The following CD200R1L variants were observed in gnomAD, a reference collection of about 807,000 sequenced individuals.
CD200R1L encodes cell surface glycoprotein CD200 receptor 2.
A neutral mutation model predicts 24.8 loss-of-function variants in CD200R1L; 14 were observed. That is an observed-to-expected ratio of 0.56 (90% confidence interval 0.37 to 0.88). The LOEUF (loss-of-function observed/expected upper bound fraction) is 0.88, where lower values mean the gene tolerates loss of function less well. Ranked by LOEUF, CD200R1L falls within the 40% of genes least tolerant of loss-of-function variation. The pLI is 0.00. For missense variants in CD200R1L, 299 were observed against 297.8 expected (o/e 1.00, Z -0.03); for synonymous variants, 111 against 109.2 (o/e 1.02, Z -0.11).
chr3:112,823,401 G>A (rs1938586362), intron 6 of CD200R1L, among the ~76,000 whole-genome samples: 1 of 152,224 alleles, frequency 6.6e-6, no homozygotes, highest in Non-Finnish European at 1.5e-5. Flanking sequence ...TCTGGGACTT[G>A]TGACTGGTGT....
At chr3:112,824,527 C>T in intron 6 of CD200R1L, among the ~76,000 whole-genome samples, 1 of 151,998 alleles carries the variant, frequency 6.6e-6, no homozygotes, top group East Asian at 1.9e-4. Context: ...TGAGGTTACT[C>T]AAGTACAAAG....
At chr3:112,838,286 A>G (rs1486492466) in intron 2 of CD200R1L, among the ~76,000 whole-genome samples, 1 of 152,180 alleles carries the variant, frequency 6.6e-6, no homozygotes, top group Admixed American at 6.5e-5. Flanking sequence ...AGTCTGTACC[A>G]GTCTTTTGCC....
intron 7 of CD200R1L, among the ~76,000 whole-genome samples, chr3:112,816,386 G>A (rs766739812): frequency 2.6e-5 from 4 of 152,182 alleles, no homozygotes; most frequent in Non-Finnish European, 5.9e-5. Context: ...TTCTCATGGA[G>A]TAACGAGTAG....
intron 2 of CD200R1L, among the ~76,000 whole-genome samples, chr3:112,838,252 C>T (rs954443564): frequency 2.6e-5 from 4 of 151,970 alleles, no homozygotes; most frequent in African/African-American, 4.8e-5. Context: ...ATAAATGATT[C>T]ATTCAATGTT....
intron 2 of CD200R1L, chr3:112,841,214 C>T (rs1487709038): frequency 2.3e-6 from 1 of 426,340 alleles, no homozygotes; most frequent in Admixed American, 2.5e-5. Context: ...CTCACAAGAT[C>T]TGCTTGTTTA....
chr3:112,828,261 G>A (rs1045518032), intron 4 of CD200R1L, among the ~76,000 whole-genome samples: 5 of 152,036 alleles, frequency 3.3e-5, no homozygotes, highest in Admixed American at 1.3e-4. Context: ...TAACTAATAC[G>A]GCATTCAAGT....
chr3:112,823,057 C>T (rs1350082415), intron 6 of CD200R1L, among the ~76,000 whole-genome samples: 2 of 152,102 alleles, frequency 1.3e-5, no homozygotes, highest in Non-Finnish European at 2.9e-5. Context: ...GAAAAGAAAA[C>T]AAACTGTAAC....
intron 3 of CD200R1L, among the ~76,000 whole-genome samples, chr3:112,830,608 G>A (rs766544252): frequency 7.2e-6 from 1 of 139,678 alleles, no homozygotes; most frequent in Non-Finnish European, 1.5e-5. Flanking sequence ...CATCACACTT[G>A]TCAATAGGAT....
intron 3 of CD200R1L, among the ~76,000 whole-genome samples, chr3:112,831,413 A>C (rs886389620): frequency 2.0e-5 from 3 of 152,186 alleles, no homozygotes; most frequent in Non-Finnish European, 4.4e-5. Context: ...ACGTGTGTGC[A>C]TGAGTGAGTG....
chr3:112,825,910 AG>A (rs1415382952), intron 6 of CD200R1L, among the ~76,000 whole-genome samples: 5 of 152,218 alleles, frequency 3.3e-5, no homozygotes, highest in Non-Finnish European at 7.3e-5. Flanking sequence ...AGACGTATGA[AG>A]TAAGAGGCTA....
At chr3:112,838,634 G>T (rs941403909) in intron 2 of CD200R1L, among the ~76,000 whole-genome samples, 2 of 151,888 alleles carry the variant, frequency 1.3e-5, no homozygotes, top group Non-Finnish European at 2.9e-5. Flanking sequence ...TTTATTTTAC[G>T]GCTCATTTAA....
intron 2 of CD200R1L, among the ~76,000 whole-genome samples, chr3:112,844,421 A>G (rs979350676): frequency 2.6e-5 from 4 of 152,274 alleles, no homozygotes; most frequent in Admixed American, 2.0e-4. Flanking sequence ...TTACATGGAA[A>G]TTAAACAACT....
intron 4 of CD200R1L, 121 bp from the exon 5 acceptor site, chr3:112,827,805 C>A: frequency 1.1e-6 from 1 of 926,420 alleles, no homozygotes; most frequent in East Asian, 2.5e-5. Context: ...GATCTTATTC[C>A]AGAAATATTA....
chr3:112,840,685 C>A (rs1356593269), intron 2 of CD200R1L, among the ~76,000 whole-genome samples: 1 of 152,124 alleles, frequency 6.6e-6, no homozygotes, highest in Admixed American at 6.5e-5. Context: ...AATATCAGAA[C>A]TGCTTCAGTA....
At position 112,845,871 on chromosome 3, in the gene CD200R1L, C is replaced by A; in HGVS notation, c.-279G>T. On this transcript the variant is annotated 5_prime_UTR_variant, in exon 2 of 8. Transcript: ENST00000488794. Reference sequence around the variant, plus strand: ...ATTGCAAAACATATTTCTTCATTATCTTGCTTATCTTTAATTTTTGCTGTC... The same window carrying A: ...ATTGCAAAACATATTTCTTCATTATATTGCTTATCTTTAATTTTTGCTGTC... 1.6e-6 allele frequency: 1 copy of A among 613,798 alleles called. No individual in the cohort carries two copies. The highest frequency in any genetic ancestry group is 2.1e-5 in the South Asian group (1 of 47,810). The allele number at this position is 613,798 out of a possible 1,614,324, so 38.0% of individuals were successfully genotyped here. A position where few individuals can be genotyped will look rare whatever the true frequency, so the allele number is the denominator to read the frequency against.
intron 7 of CD200R1L, among the ~76,000 whole-genome samples, chr3:112,817,815 A>T (rs946764902): frequency 6.6e-6 from 1 of 152,230 alleles, no homozygotes; most frequent in Non-Finnish European, 1.5e-5. Flanking sequence ...GTTTGTTTTC[A>T]TGCTGCTGAT....
chr3:112,821,446 A>G (rs916050271), intron 6 of CD200R1L, among the ~76,000 whole-genome samples: 1 of 152,256 alleles, frequency 6.6e-6, no homozygotes, highest in Non-Finnish European at 1.5e-5. Flanking sequence ...CAGATAAAAC[A>G]TAAATTTCTC....
chr3:112,821,202 A>G (rs1431374006), intron 6 of CD200R1L, among the ~76,000 whole-genome samples: 1 of 152,222 alleles, frequency 6.6e-6, no homozygotes, highest in East Asian at 1.9e-4. Flanking sequence ...AAACTAGAAA[A>G]ATGTCAGACA....
chr3:112,826,961 A>G (rs768710504), intron 6 of CD200R1L, 32 bp downstream of exon 6: 1 of 1,530,570 alleles, frequency 6.5e-7, no homozygotes, highest in Non-Finnish European at 8.8e-7. Context: ...TTGAGCATCA[A>G]GTTTACTCTT....
Sources: gnomAD v4.1 joint callset for allele counts (sites outside exome capture counted in the v4.1 genomes callset) on GRCh38, gnomAD v4.1.1 for gene constraint, MANE v1.5 for transcripts, NCBI Gene and HGNC (gene_info 2026-07-23, HGNC 2026-07-21) for gene names.